The following SPAG16 variants were observed in gnomAD, a reference collection of about 807,000 sequenced individuals.
SPAG16 encodes sperm-associated antigen 16 protein.
A neutral mutation model predicts 80.4 loss-of-function variants in SPAG16; 86 were observed. That is an observed-to-expected ratio of 1.07 (90% CI 0.90 to 1.28). The LOEUF (loss-of-function observed/expected upper bound fraction) is 1.28, where lower values mean the gene tolerates loss of function less well. Among genes scored for constraint, SPAG16 ranks in the 50% most tolerant of loss-of-function variants. The pLI is 0.00. For synonymous variants in SPAG16, 294 were observed against 265.9 expected, an observed-to-expected ratio of 1.11 and a Z score of -1.03; for missense variants, 870 against 765.3, an observed-to-expected ratio of 1.14 and a Z score of -1.61.
At chr2:214,356,095 C>G (rs564652866) in intron 15 of SPAG16, among the ~76,000 whole-genome samples, 1 of 150,214 alleles carries the variant, frequency 6.7e-6, no homozygotes, top group African/African-American at 2.5e-5. Flanking sequence ...ATGGAAATGA[C>G]GAGTTAATGA....
At chr2:213,342,388 A>G (rs1394637751) in intron 6 of SPAG16, among the ~76,000 whole-genome samples, 1 of 147,032 alleles carries the variant, frequency 6.8e-6, no homozygotes, top group Admixed American at 6.8e-5. Context: ...ATATATATAT[A>G]TAAACACACA....
chr2:213,727,025 C>T (rs1160756983), intron 10 of SPAG16, among the ~76,000 whole-genome samples: 1 of 152,116 alleles, frequency 6.6e-6, no homozygotes, highest in Non-Finnish European at 1.5e-5. Context: ...GAATCATTGT[C>T]TTTATAGTTG....
In SPAG16 at chr2:214,098,585, T is replaced by C. The variant is rs115789723; in HGVS notation, c.1528-9611T>C. 9.1e-3 allele frequency among the ~76,000 whole-genome samples: 1,380 copies of C among 152,202 alleles called. 22 individuals carry two copies. The highest frequency in any genetic ancestry group is 0.031 in the African/African-American group (1,303 of 41,540). ...CCTGCCTACACTTTGAGCTTGGATTTCTAGCCTCTACAACTGTGAAGAAAT... is the reference window on the plus strand; with the variant it reads ...CCTGCCTACACTTTGAGCTTGGATTCCTAGCCTCTACAACTGTGAAGAAAT... On this transcript the variant is annotated intron_variant, in intron 13 of 15. Coordinates refer to ENST00000331683, the MANE Select transcript of SPAG16 (RefSeq NM_024532.5).
At chr2:214,362,871 T>C (rs1699266647) in intron 15 of SPAG16, among the ~76,000 whole-genome samples, 1 of 151,972 alleles carries the variant, frequency 6.6e-6, no homozygotes, top group Non-Finnish European at 1.5e-5. Context: ...AATGCCATAA[T>C]AACACAAGAT....
chr2:213,715,186 A>T (rs1352262275), intron 10 of SPAG16, among the ~76,000 whole-genome samples: 1 of 150,770 alleles, frequency 6.6e-6, no homozygotes, highest in African/African-American at 2.4e-5. Context: ...TGAAAGTGGG[A>T]TGGATGGAAA....
chr2:213,602,029 C>T (rs1234259666), intron 10 of SPAG16, among the ~76,000 whole-genome samples: 1 of 152,178 alleles, frequency 6.6e-6, no homozygotes, highest in Non-Finnish European at 1.5e-5. Context: ...GTTTGCACAC[C>T]TGTGAGAATC....
At chr2:214,409,074 T>C (rs1574543098) in intron 15 of SPAG16, among the ~76,000 whole-genome samples, 2 of 151,742 alleles carry the variant, frequency 1.3e-5, no homozygotes, top group Middle Eastern at 3.4e-3. Context: ...GTACTAACTA[T>C]TTAAAATATT....
intron 10 of SPAG16, among the ~76,000 whole-genome samples, chr2:213,788,449 G>T (rs1416318004): frequency 6.6e-6 from 1 of 151,802 alleles, no homozygotes; most frequent in Non-Finnish European, 1.5e-5. Flanking sequence ...TTTAGGGGTT[G>T]TTATTGTTTT....
chr2:213,524,071 T>C (rs969125388), intron 10 of SPAG16, among the ~76,000 whole-genome samples: 6 of 152,108 alleles, frequency 3.9e-5, no homozygotes, highest in Admixed American at 3.3e-4. Context: ...GATGAAAAAA[T>C]TGTTTTGTGG....
intron 1 of SPAG16, among the ~76,000 whole-genome samples, chr2:213,286,653 T>C (rs1291218464): frequency 6.6e-6 from 1 of 152,242 alleles, no homozygotes; most frequent in African/African-American, 2.4e-5. Flanking sequence ...TGTCCTCTGC[T>C]TCGCACATAT....
intron 14 of SPAG16, among the ~76,000 whole-genome samples, chr2:214,140,629 A>T (rs922961252): frequency 2.2e-4 from 34 of 152,140 alleles, no homozygotes; most frequent in African/African-American, 8.2e-4. Context: ...TTGTCTTTAC[A>T]TATAAATTTA....
intron 14 of SPAG16, among the ~76,000 whole-genome samples, chr2:214,144,123 G>A (rs1380806079): frequency 6.6e-6 from 1 of 151,640 alleles, no homozygotes; most frequent in Non-Finnish European, 1.5e-5. Context: ...GTCCACCCTG[G>A]GCAACAGAAC....
At chr2:213,405,784 C>G (rs2068579389) in intron 9 of SPAG16, among the ~76,000 whole-genome samples, 1 of 152,124 alleles carries the variant, frequency 6.6e-6, no homozygotes, top group South Asian at 2.1e-4. Flanking sequence ...CAATTCCATC[C>G]CTGTTGCTGC....
At chr2:213,816,363 TATAGCTATGAACATTCTTGAATATTTC>T (rs2072535513) in intron 10 of SPAG16, among the ~76,000 whole-genome samples, 1 of 152,140 alleles carries the variant, frequency 6.6e-6, no homozygotes, top group Non-Finnish European at 1.5e-5. Context: ...GTTCACAGCT[TATAGCTATGAACATTCTTGAATATTTC>T]TTTTGGTTAA....
intron 15 of SPAG16, among the ~76,000 whole-genome samples, chr2:214,167,387 A>C (rs1444805407): frequency 6.6e-6 from 1 of 151,682 alleles, no homozygotes; most frequent in Non-Finnish European, 1.5e-5. Flanking sequence ...TTAGGTGGGC[A>C]TGGTTCATTC....
chr2:213,667,403 A>T (rs2063647528), intron 10 of SPAG16, among the ~76,000 whole-genome samples: 1 of 152,166 alleles, frequency 6.6e-6, no homozygotes, highest in Admixed American at 6.6e-5. Context: ...TATTTTGGCC[A>T]GTCAGGTTCT....
At chr2:213,642,006 T>A (rs77113550) in intron 10 of SPAG16, among the ~76,000 whole-genome samples, 9,285 of 152,236 alleles carry the variant, frequency 0.061, 922 homozygotes, top group African/African-American at 0.21. Context: ...AACCATCCAC[T>A]TGATCCAATC....
chr2:213,490,144 AT>A, intron 10 of SPAG16, 54 bp downstream of exon 10: 1 of 1,492,472 alleles, frequency 6.7e-7, no homozygotes, highest in Non-Finnish European at 9.0e-7. Context: ...TCATGTCAAA[AT>A]TTTAATGCTC....
intron 10 of SPAG16, among the ~76,000 whole-genome samples, chr2:213,758,604 ACAGT>A (rs957901894): frequency 5.3e-5 from 8 of 152,168 alleles, no homozygotes; most frequent in African/African-American, 1.7e-4. Flanking sequence ...AGCAAAGGAA[ACAGT>A]CAGTAAACTT....
Sources: allele counts gnomAD v4.1 joint callset (sites outside exome capture counted in the v4.1 genomes callset), GRCh38; gene constraint gnomAD v4.1.1; transcripts MANE v1.5; gene names NCBI Gene and HGNC (gene_info 2026-07-23, HGNC 2026-07-21).